DCDC1: variants seen among roughly 807,000 people sequenced by gnomAD.
DCDC1 encodes the protein doublecortin domain-containing protein 1.
DCDC1 carries 200 observed loss-of-function variants against 178.3 expected under a neutral mutation model. That is an observed-to-expected ratio of 1.12 (90% CI 1.00 to 1.26). The LOEUF (loss-of-function observed/expected upper bound fraction) is 1.26, where lower values mean the gene tolerates loss of function less well. Among genes scored for constraint, DCDC1 ranks in the 50% most tolerant of loss-of-function variants. The pLI is 0.00. For missense variants in DCDC1, 1,983 were observed against 1,749.2 expected (o/e 1.13, Z -2.38); for synonymous variants, 690 against 604.8 (o/e 1.14, Z -2.07).
chr11:31,066,242 C>A (rs1167694382), intron 18 of DCDC1, among the ~76,000 whole-genome samples: 1 of 152,086 alleles, frequency 6.6e-6, no homozygotes, highest in Non-Finnish European at 1.5e-5. Flanking sequence ...TGGAGGCTAC[C>A]CTTACATGGA....
At chr11:31,032,347 A>G (rs914504575) in intron 20 of DCDC1, among the ~76,000 whole-genome samples, 1 of 152,298 alleles carries the variant, frequency 6.6e-6, no homozygotes, top group Non-Finnish European at 1.5e-5. Context: ...TTTAATTTTA[A>G]TTCACCAGCT....
intron 3 of DCDC1, among the ~76,000 whole-genome samples, chr11:31,326,333 G>C (rs1949643467): frequency 6.6e-6 from 1 of 151,778 alleles, no homozygotes; most frequent in African/African-American, 2.4e-5. Context: ...AAAAAAGCAG[G>C]AACAGAGCGA....
rs555492000 is a variant in DCDC1, at chr11:31,185,486, T to C, written c.1222-47702A>G. Among the ~76,000 whole-genome samples the C allele has an allele frequency of 5.3e-5, 8 of 152,218 alleles. No homozygotes were observed. The South Asian group carries it at 1.7e-3, about 32-fold the overall frequency. On this transcript the variant is annotated intron_variant, in intron 9 of 38. Coordinates refer to ENST00000684477, the MANE Select transcript of DCDC1 (RefSeq NM_001387274.1). Reference sequence around the variant, plus strand: ...GCAGAAAAAAGGAAAGACATATAGTTAGAGTCAGTGGAGAAATACTCCCAT... The same window carrying C: ...GCAGAAAAAAGGAAAGACATATAGTCAGAGTCAGTGGAGAAATACTCCCAT...
chr11:31,005,970 A>AC (rs1007068010), intron 20 of DCDC1, among the ~76,000 whole-genome samples: 7 of 149,526 alleles, frequency 4.7e-5, no homozygotes, highest in African/African-American at 1.5e-4. Context: ...AAAAAAAAAA[A>AC]AAAAAAAACT....
chr11:30,935,925 TC>T (rs1476666353), intron 21 of DCDC1, among the ~76,000 whole-genome samples: 10 of 152,280 alleles, frequency 6.6e-5, no homozygotes, highest in African/African-American at 1.9e-4. Context: ...CTGGTCTTTT[TC>T]CCTCCCTTCT....
At chr11:30,873,352 T>G (rs1408146402) in intron 38 of DCDC1, among the ~76,000 whole-genome samples, 198 of 141,354 alleles carry the variant, frequency 1.4e-3, no homozygotes, top group Middle Eastern at 7.0e-3. Context: ...TACATATATA[T>G]ATATATATAT....
At chr11:31,041,241 A>C (rs1024280862) in intron 20 of DCDC1, among the ~76,000 whole-genome samples, 2 of 152,304 alleles carry the variant, frequency 1.3e-5, no homozygotes, top group East Asian at 3.9e-4. Context: ...GCAGACAATA[A>C]GATGTAACAA....
At chr11:31,207,009 T>A (rs991078161) in intron 9 of DCDC1, among the ~76,000 whole-genome samples, 1 of 152,212 alleles carries the variant, frequency 6.6e-6, no homozygotes, top group Non-Finnish European at 1.5e-5. Context: ...CTAAAAATGT[T>A]GCAAATAACA....
chr11:30,923,561 C>G (rs1210752636), intron 23 of DCDC1, among the ~76,000 whole-genome samples: 1 of 150,720 alleles, frequency 6.6e-6, no homozygotes, highest in African/African-American at 2.4e-5. Context: ...GTCATTATTA[C>G]AAACATTCGA....
chr11:31,197,762 A>G (rs541126994), intron 9 of DCDC1, among the ~76,000 whole-genome samples: 2 of 152,076 alleles, frequency 1.3e-5, no homozygotes, highest in African/African-American at 2.4e-5. Flanking sequence ...CACGTAATGT[A>G]TATCTTCCAA....
intron 6 of DCDC1, among the ~76,000 whole-genome samples, chr11:31,298,035 C>T (rs151281549): frequency 2.0e-5 from 3 of 152,344 alleles, no homozygotes; most frequent in African/African-American, 7.2e-5. Context: ...GTATCCTTAA[C>T]TTTGGCAAAA....
In DCDC1 at chr11:31,191,029, T is replaced by C. The variant is rs192254544; in HGVS notation, c.1221+50421A>G. On this transcript the variant is annotated intron_variant, in intron 9 of 38. Coordinates refer to ENST00000684477, the MANE Select transcript of DCDC1 (RefSeq NM_001387274.1). ...CATACAGCCTAGGTACATCCTCCCATATACTTTAAATAATCCCTAGATAAC... is the reference window on the plus strand; with the variant it reads ...CATACAGCCTAGGTACATCCTCCCACATACTTTAAATAATCCCTAGATAAC... Among the ~76,000 whole-genome samples the C allele has an allele frequency of 2.2e-3, 335 of 152,218 alleles. 2 individuals are homozygous for C. Among genetic ancestry groups the C allele is most frequent in the African/African-American group, 7.3e-3 (304 of 41,566 alleles).
chr11:31,328,741 G>A (rs1172997687), intron 2 of DCDC1, among the ~76,000 whole-genome samples: 3 of 151,130 alleles, frequency 2.0e-5, no homozygotes, highest in African/African-American at 4.9e-5. Context: ...AACCCGGGAG[G>A]TGGAGCTTGC....
intron 9 of DCDC1, among the ~76,000 whole-genome samples, chr11:31,228,562 T>A (rs559066817): frequency 1.3e-4 from 19 of 151,952 alleles, no homozygotes; most frequent in Non-Finnish European, 2.1e-4. Context: ...TAATGAAGCA[T>A]AAAATCAATG....
intron 20 of DCDC1, among the ~76,000 whole-genome samples, chr11:30,972,247 C>T (rs1321477530): frequency 6.6e-6 from 1 of 152,092 alleles, no homozygotes; most frequent in African/African-American, 2.4e-5. Flanking sequence ...CATCTAGTCA[C>T]TTATGAGGAA....
chr11:31,335,629 T>G (rs887893020), intron 1 of DCDC1, 65 bp from the exon 2 acceptor site: 1 of 152,144 alleles, frequency 6.6e-6, no homozygotes, highest in African/African-American at 2.4e-5. Flanking sequence ...AATGTGCCCA[T>G]AAGAAATCAT....
At chr11:31,335,793 C>A (rs1006545849) in intron 1 of DCDC1, among the ~76,000 whole-genome samples, 3 of 152,132 alleles carry the variant, frequency 2.0e-5, no homozygotes, top group African/African-American at 7.2e-5. Flanking sequence ...AGGGTGTAAT[C>A]CTGGTCTCAC....
chr11:30,875,140 A>C (rs939305546), intron 38 of DCDC1, among the ~76,000 whole-genome samples: 3 of 152,164 alleles, frequency 2.0e-5, no homozygotes, highest in Non-Finnish European at 4.4e-5. Context: ...GCACCCACTG[A>C]ATACCTACGG....
chr11:31,358,537 T>G (rs1204779271), intron 1 of DCDC1, among the ~76,000 whole-genome samples: 2 of 151,582 alleles, frequency 1.3e-5, no homozygotes, highest in Non-Finnish European at 2.9e-5. Context: ...GGCAAGGACT[T>G]CATGTCTAAA....
Sources: allele counts gnomAD v4.1 joint callset (sites outside exome capture counted in the v4.1 genomes callset), GRCh38; gene constraint gnomAD v4.1.1; transcripts MANE v1.5; gene names NCBI Gene and HGNC (gene_info 2026-07-23, HGNC 2026-07-21).